The following SLC25A12 variants were observed in gnomAD, a reference collection of about 807,000 sequenced individuals.
SLC25A12 encodes solute carrier family 25 member 12.
SLC25A12 carries 32 observed loss-of-function variants against 83.3 expected under a neutral mutation model. The observed-to-expected ratio is 0.38, with a 90% CI of 0.29 to 0.52. The LOEUF is 0.52. SLC25A12 is among the 20% of genes least tolerant of loss of function. The pLI, the probability that SLC25A12 is intolerant of heterozygous loss-of-function variation, is 0.84. For missense variants in SLC25A12, 611 were observed against 835.6 expected (o/e 0.73, Z 3.31); for synonymous variants, 267 against 291.1 (o/e 0.92, Z 0.84).
intron 17 of SLC25A12, among the ~76,000 whole-genome samples, chr2:171,787,132 TG>T (rs1307619647): frequency 6.6e-6 from 1 of 152,168 alleles, no homozygotes; most frequent in Non-Finnish European, 1.5e-5. Context: ...GAGACCAGCC[TG>T]GGCAACACAG....
At position 171,784,244 on chromosome 2, in the gene SLC25A12, A is replaced by C. The variant is rs1458673577; in HGVS notation, c.*1030T>G. 6.6e-6 allele frequency: 1 copy of C among 152,134 alleles called. No individual in the cohort carries two copies. Among genetic ancestry groups the C allele is most frequent in the Non-Finnish European group, 1.5e-5 (1 of 68,030 alleles). 9.4% of individuals were successfully genotyped at this position (152,134 alleles called of 1,614,324 possible). On this transcript the variant is annotated 3_prime_UTR_variant, in exon 18 of 18. Transcript: ENST00000422440. Reference sequence around the variant, plus strand: ...CTCTGCGCTAGCCCTTTCTAAAACTAATTTTTCTGTTTTCTATAAAGGTGG... The same window carrying C: ...CTCTGCGCTAGCCCTTTCTAAAACTCATTTTTCTGTTTTCTATAAAGGTGG...
chr2:171,846,909 C>T (rs1292706731), intron 4 of SLC25A12, among the ~76,000 whole-genome samples: 1 of 152,116 alleles, frequency 6.6e-6, no homozygotes, highest in Non-Finnish European at 1.5e-5. Context: ...TTTAGATATC[C>T]TATTTCATAA....
intron 3 of SLC25A12, among the ~76,000 whole-genome samples, chr2:171,867,914 G>A (rs1028567227): frequency 3.3e-5 from 5 of 152,070 alleles, no homozygotes; most frequent in Non-Finnish European, 7.4e-5. Flanking sequence ...GCGCAATCTC[G>A]GCGCACTGCA....
intron 2 of SLC25A12, among the ~76,000 whole-genome samples, chr2:171,892,554 C>T (rs891953954): frequency 6.6e-6 from 1 of 152,116 alleles, no homozygotes; most frequent in Non-Finnish European, 1.5e-5. Flanking sequence ...CAATTTCCTG[C>T]ATAGGAAACT....
At chr2:171,878,534 G>T (rs895014149) in intron 2 of SLC25A12, among the ~76,000 whole-genome samples, 2 of 152,050 alleles carry the variant, frequency 1.3e-5, no homozygotes, top group African/African-American at 4.8e-5. Flanking sequence ...GTTTCCCTGG[G>T]TTGGCTTCCA....
chr2:171,875,357 C>A (rs1213090989), intron 2 of SLC25A12, among the ~76,000 whole-genome samples: 1 of 152,282 alleles, frequency 6.6e-6, no homozygotes. Flanking sequence ...TTGCTTCATT[C>A]TTTCCTTGCT....
At chr2:171,870,874 T>C (rs887687322) in intron 2 of SLC25A12, among the ~76,000 whole-genome samples, 3 of 152,168 alleles carry the variant, frequency 2.0e-5, no homozygotes, top group Admixed American at 6.5e-5. Context: ...CATCTCCATT[T>C]GTGGATCTGA....
chr2:171,882,833 A>T (rs1451638148), intron 2 of SLC25A12, among the ~76,000 whole-genome samples: 2 of 152,210 alleles, frequency 1.3e-5, no homozygotes, highest in Non-Finnish European at 1.5e-5. Flanking sequence ...ACAAAAAAAA[A>T]ATATGTATTT....
intron 2 of SLC25A12, among the ~76,000 whole-genome samples, chr2:171,875,055 TC>T (rs35801245): frequency 2.0e-5 from 3 of 152,226 alleles, no homozygotes; most frequent in Admixed American, 2.0e-4. Flanking sequence ...GTTGTAACTT[TC>T]CCTTAGCCTC....
intron 4 of SLC25A12, among the ~76,000 whole-genome samples, chr2:171,849,481 T>C (rs1376502315): frequency 6.6e-6 from 1 of 151,874 alleles, no homozygotes; most frequent in Non-Finnish European, 1.5e-5. Flanking sequence ...TTAAGCTATA[T>C]ATTTATTATC....
chr2:171,832,251 T>C (rs1462265181), intron 8 of SLC25A12, among the ~76,000 whole-genome samples: 2 of 152,138 alleles, frequency 1.3e-5, no homozygotes, highest in Non-Finnish European at 1.5e-5. Flanking sequence ...AGTATGAAAA[T>C]ACCTCTAGGT....
intron 8 of SLC25A12, among the ~76,000 whole-genome samples, chr2:171,832,116 G>T (rs1398177623): frequency 6.6e-6 from 1 of 152,176 alleles, no homozygotes; most frequent in African/African-American, 2.4e-5. Context: ...ACCATTCCTA[G>T]TTCAAGGCAC....
chr2:171,868,960 G>A lies in SLC25A12; in HGVS notation c.67-137C>T, dbSNP rs1035475421. 78 of 777,310 alleles carry A rather than the reference G, an allele frequency of 1.0e-4. No homozygotes were observed. In the African/African-American group the frequency reaches 1.0e-3, roughly 10 times the overall value. 48.2% of individuals were successfully genotyped at this position (777,310 alleles called of 1,614,324 possible). A position where few individuals can be genotyped will look rare whatever the true frequency, so the allele number is the denominator to read the frequency against. The stretch of plus-strand genomic sequence containing the variant: ...GATAATAAATGCAGAATTTTTCTCT[G>A]GATACCGAAAAATCAAATATTCAGA... On this transcript the variant is annotated intron_variant, in intron 2 of 17. Transcript: ENST00000422440.
chr2:171,831,814 G>A (rs916009243), intron 8 of SLC25A12, among the ~76,000 whole-genome samples: 2 of 151,644 alleles, frequency 1.3e-5, no homozygotes, highest in Admixed American at 1.3e-4. Flanking sequence ...CACAAGAATC[G>A]CTTGAACCCA....
At chr2:171,865,596 G>C (rs1255701550) in intron 3 of SLC25A12, among the ~76,000 whole-genome samples, 4 of 151,978 alleles carry the variant, frequency 2.6e-5, no homozygotes, top group Non-Finnish European at 5.9e-5. Context: ...AGGAGGTGGA[G>C]GTTGCAGTGA....
intron 2 of SLC25A12, among the ~76,000 whole-genome samples, chr2:171,890,648 A>C (rs1324178774): frequency 6.6e-6 from 1 of 152,086 alleles, no homozygotes; most frequent in East Asian, 1.9e-4. Flanking sequence ...GGTGTGGCTA[A>C]TTTTTAAAAT....
chr2:171,843,385 G>A (rs1457106040), intron 5 of SLC25A12, among the ~76,000 whole-genome samples: 1 of 151,606 alleles, frequency 6.6e-6, no homozygotes, highest in Non-Finnish European at 1.5e-5. Context: ...TGTAATCCCA[G>A]CACTTTGGGT....
chr2:171,819,618 A>G lies in SLC25A12; in HGVS notation c.931-4416T>C, dbSNP rs189343507. On this transcript the variant is annotated intron_variant, in intron 9 of 17. Coordinates refer to ENST00000422440, the MANE Select transcript of SLC25A12 (RefSeq NM_003705.5). Reference sequence around the variant, plus strand: ...TAAATTTAAATGAGTTAAATGACTAATAAATAATAGCTAATAATAGACTAA... The same window carrying G: ...TAAATTTAAATGAGTTAAATGACTAGTAAATAATAGCTAATAATAGACTAA... 3.2e-3 allele frequency among the ~76,000 whole-genome samples: 488 copies of G among 151,142 alleles called. 6 individuals are homozygous for G. Among genetic ancestry groups the G allele is most frequent in the African/African-American group, 0.011 (461 of 41,260 alleles).
intron 15 of SLC25A12, among the ~76,000 whole-genome samples, chr2:171,790,025 G>T (rs574238071): frequency 6.6e-6 from 1 of 152,274 alleles, no homozygotes; most frequent in African/African-American, 2.4e-5. Context: ...ATTGCTAGAG[G>T]AGAAAGGACT....
Sources: gnomAD v4.1 joint callset for allele counts (sites outside exome capture counted in the v4.1 genomes callset) on GRCh38, gnomAD v4.1.1 for gene constraint, MANE v1.5 for transcripts, NCBI Gene and HGNC (gene_info 2026-07-23, HGNC 2026-07-21) for gene names.